Variants in CDK6 observed in about 807,000 individuals in gnomAD.
The protein encoded by CDK6 is cyclin-dependent kinase 6.
In CDK6, 6 loss-of-function variants were observed where a neutral mutation model predicts 37.1. The ratio of observed to expected loss-of-function variants is 0.16; its 90% confidence interval spans 0.09 to 0.32. The LOEUF is 0.32. CDK6 is among the 10% of genes least tolerant of loss of function. The probability of loss-of-function intolerance (pLI) is 1.00; values close to 1 mark genes in which losing one functional copy is unlikely to be tolerated. For synonymous variants in CDK6, 160 were observed against 161.3 expected, an observed-to-expected ratio of 0.99 and a Z score of 0.06; for missense variants, 224 against 418.9, an observed-to-expected ratio of 0.53 and a Z score of 4.06.
chr7:92,803,371 C>T (rs1232157010), intron 2 of CDK6, among the ~76,000 whole-genome samples: 1 of 152,124 alleles, frequency 6.6e-6, no homozygotes, highest in African/African-American at 2.4e-5. Flanking sequence ...GAGGAGTGAA[C>T]GTTAGTACTA....
chr7:92,618,622 CAGTATTG>C (rs1795733527), intron 6 of CDK6, among the ~76,000 whole-genome samples: 1 of 152,130 alleles, frequency 6.6e-6, no homozygotes, highest in African/African-American at 2.4e-5. Context: ...TCGAACACCC[CAGTATTG>C]ACATGATTTT....
chr7:92,736,578 G>A (rs866380814), intron 3 of CDK6, among the ~76,000 whole-genome samples: 3 of 152,174 alleles, frequency 2.0e-5, no homozygotes, highest in African/African-American at 7.2e-5. Flanking sequence ...CACTAATAGA[G>A]GAGGAGGAAG....
At chr7:92,667,321 C>G (rs557105681) in intron 5 of CDK6, among the ~76,000 whole-genome samples, 1 of 152,056 alleles carries the variant, frequency 6.6e-6, no homozygotes, top group Admixed American at 6.5e-5. Context: ...CTTCAGCCTC[C>G]GGAGTAGCTA....
At chr7:92,647,593 A>G (rs1796480669) in intron 5 of CDK6, among the ~76,000 whole-genome samples, 1 of 152,226 alleles carries the variant, frequency 6.6e-6, no homozygotes, top group Admixed American at 6.5e-5. Flanking sequence ...CATTCAACGA[A>G]TCTTTATTGA....
chr7:92,791,150 G>A (rs1800272891), intron 2 of CDK6, among the ~76,000 whole-genome samples: 1 of 152,106 alleles, frequency 6.6e-6, no homozygotes, highest in African/African-American at 2.4e-5. Context: ...TGAGTTGGCA[G>A]GACTTGCTAA....
chr7:92,694,320 C>T (rs906829601), intron 4 of CDK6, among the ~76,000 whole-genome samples: 1 of 152,108 alleles, frequency 6.6e-6, no homozygotes, highest in Non-Finnish European at 1.5e-5. Context: ...TTTCTAAAGT[C>T]TTTCCAACTC....
Position 92,614,143 on chromosome 7 carries a change from G to A in CDK6, c.*997C>T, listed in dbSNP as rs972781201. 1.7e-5 allele frequency: 4 copies of A among 232,948 alleles called. No homozygotes were observed. The highest frequency in any genetic ancestry group is 3.4e-5 in the Non-Finnish European group (4 of 117,990). 14.4% of individuals were successfully genotyped at this position (232,948 alleles called of 1,614,324 possible). On this transcript the variant is annotated 3_prime_UTR_variant, in exon 8 of 8. Transcript: ENST00000424848. ...AGAACTACTCTCCAAACCAAAACAG[G>A]AAAGAGTTTCTGACAAATTCCTAAA...
At chr7:92,809,031 G>A (rs1584109708) in intron 2 of CDK6, among the ~76,000 whole-genome samples, 1 of 152,140 alleles carries the variant, frequency 6.6e-6, no homozygotes, top group African/African-American at 2.4e-5. Flanking sequence ...ATAAATATTT[G>A]TATTTTAAAT....
In CDK6 at chr7:92,667,748, C is replaced by T. The variant is rs192373531; in HGVS notation, c.647+3678G>A. On this transcript the variant is annotated intron_variant, in intron 5 of 7. Transcript: ENST00000424848. The stretch of plus-strand genomic sequence containing the variant: ...TGTCTTTTTTGTAGAGACAGGGTTT[C>T]GCCATGTTACCCAGGCTGGTCTCGA... 1.5e-3 allele frequency among the ~76,000 whole-genome samples: 228 copies of T among 151,934 alleles called. 2 individuals carry two copies. Among genetic ancestry groups the T allele is most frequent in the African/African-American group, 5.2e-3 (217 of 41,416 alleles).
intron 4 of CDK6, among the ~76,000 whole-genome samples, chr7:92,703,480 T>G (rs1181152947): frequency 6.6e-6 from 1 of 152,224 alleles, no homozygotes; most frequent in East Asian, 1.9e-4. Context: ...AAAAATACAT[T>G]TCAAATGACC....
chr7:92,826,008 A>G (rs758674253), intron 2 of CDK6, among the ~76,000 whole-genome samples: 11 of 152,234 alleles, frequency 7.2e-5, no homozygotes, highest in African/African-American at 1.9e-4. Flanking sequence ...AGGAATCCCA[A>G]TAAGTGTAAT....
intron 4 of CDK6, among the ~76,000 whole-genome samples, chr7:92,706,521 C>T (rs1416650045): frequency 2.0e-5 from 3 of 152,188 alleles, no homozygotes; most frequent in Admixed American, 6.5e-5. Context: ...AAATGTCCTT[C>T]GTGAAAAACA....
At chr7:92,638,738 A>G (rs779849423) in intron 5 of CDK6, among the ~76,000 whole-genome samples, 1 of 152,140 alleles carries the variant, frequency 6.6e-6, no homozygotes, top group Non-Finnish European at 1.5e-5. Flanking sequence ...CTCAAATTAA[A>G]TATGTCTTCT....
chr7:92,799,330 C>T (rs1201975885), intron 2 of CDK6, among the ~76,000 whole-genome samples: 2 of 152,140 alleles, frequency 1.3e-5, no homozygotes, highest in African/African-American at 4.8e-5. Context: ...CTTGGACGCA[C>T]CTCAGATACC....
chr7:92,734,246 T>C (rs1798728511), intron 3 of CDK6, among the ~76,000 whole-genome samples: 1 of 152,194 alleles, frequency 6.6e-6, no homozygotes. Context: ...AGGCTCCCAC[T>C]ATAGCGGGTC....
chr7:92,751,274 C>A (rs1799182272), intron 3 of CDK6, among the ~76,000 whole-genome samples: 1 of 152,062 alleles, frequency 6.6e-6, no homozygotes, highest in African/African-American at 2.4e-5. Context: ...GATGATGAAT[C>A]TCCTACTTTG....
chr7:92,655,935 G>T (rs188948589), intron 5 of CDK6, among the ~76,000 whole-genome samples: 1 of 152,208 alleles, frequency 6.6e-6, no homozygotes, highest in Non-Finnish European at 1.5e-5. Flanking sequence ...TCCTATCTAT[G>T]AGTACATTCT....
At chr7:92,649,260 T>C (rs963760585) in intron 5 of CDK6, among the ~76,000 whole-genome samples, 4 of 152,180 alleles carry the variant, frequency 2.6e-5, no homozygotes, top group Non-Finnish European at 4.4e-5. Flanking sequence ...AAACAGCAGA[T>C]TGAGAAATGC....
At chr7:92,737,252 CT>C (rs1798810274) in intron 3 of CDK6, among the ~76,000 whole-genome samples, 2 of 152,154 alleles carry the variant, frequency 1.3e-5, no homozygotes, top group Non-Finnish European at 2.9e-5. Context: ...TGTGGATAGC[CT>C]TCTATCTTCC....
Sources: gnomAD v4.1 joint callset for allele counts (sites outside exome capture counted in the v4.1 genomes callset) on GRCh38, gnomAD v4.1.1 for gene constraint, MANE v1.5 for transcripts, NCBI Gene and HGNC (gene_info 2026-07-23, HGNC 2026-07-21) for gene names.